ALS2CL: variants seen among roughly 807,000 people sequenced by gnomAD.
ALS2CL encodes ALS2 C-terminal like.
In ALS2CL, 112 loss-of-function variants were observed where a neutral mutation model predicts 127.9. The ratio of observed to expected loss-of-function variants is 0.88; its 90% confidence interval spans 0.75 to 1.02. The LOEUF (loss-of-function observed/expected upper bound fraction) is 1.02, where lower values mean the gene tolerates loss of function less well. ALS2CL is among the 50% of genes least tolerant of loss of function. ALS2CL has a pLI of 0.00. For synonymous variants in ALS2CL, 519 were observed against 527.6 expected (o/e 0.98, Z 0.22); for missense variants, 1,174 against 1,236.7 (o/e 0.95, Z 0.76).
intron 20 of ALS2CL, 177 bp from the exon 21 acceptor site, chr3:46,674,916 T>G: frequency 1.8e-6 from 1 of 553,332 alleles, no homozygotes; most frequent in Non-Finnish European, 3.0e-6. Flanking sequence ...CCAATTCAAT[T>G]CATAACTTCA....
chr3:46,676,901 C>T lies in ALS2CL; in HGVS notation c.1879G>A (p.Val627Met), dbSNP rs138602401. The T allele has an allele frequency of 5.0e-6, 8 of 1,613,478 alleles. No homozygotes were observed. The highest frequency in any genetic ancestry group is 3.3e-5 in the South Asian group (3 of 91,070). ...CTACGCAGCTCCCTGGAGCTCTGCA[C>T]GTCGAAGCCCAGCAGGGCCTCCTGC... The part of the protein sequence containing the change: ...DLQEALLGFD[V>M]QSSRELRRSQ... The change falls in exon 17 of 26, where the codon GTG becomes ATG. Residue 627 changes from valine (V) to methionine (M), a missense_variant. By Grantham distance (21) the Val-to-Met change is conservative. Transcript: ENST00000318962.
In ALS2CL at chr3:46,674,585, C is replaced by G; in HGVS notation, c.2410G>C (p.Glu804Gln). The G allele has an allele frequency of 2.5e-6, 4 of 1,613,076 alleles. 1 individual carries two copies. The South Asian group carries it at 3.3e-5, about 13-fold the overall frequency. The change falls in exon 21 of 26, where the codon GAG becomes CAG. Residue 804 changes from glutamate to glutamine, a missense_variant. Physicochemically the swap from Glu to Gln is conservative, Grantham distance 29. Transcript: ENST00000318962. ...LSLFPDTQLL[E>Q]FLDVQKHLWP... ...GCTTACTTCTGCACATCCAGGAACT[C>G]GAGCAGTTGGGTATCAGGAAAGAGG... is the stretch of plus-strand genomic sequence containing the variant.
intron 2 of ALS2CL, among the ~76,000 whole-genome samples, chr3:46,688,792 C>G (rs559153428): frequency 6.6e-6 from 1 of 152,204 alleles, no homozygotes; most frequent in African/African-American, 2.4e-5. Flanking sequence ...CCATCAGGTG[C>G]CCTAGGTGGG....
Position 46,674,744 on chromosome 3 carries a change from T to G in ALS2CL, c.2256-5A>C. On this transcript the variant is annotated splice_region_variant and splice_polypyrimidine_tract_variant and intron_variant, in intron 20 of 25. Coordinates refer to ENST00000318962, the MANE Select transcript of ALS2CL (RefSeq NM_147129.5). ...AATCCATGCACCTGGAGGTCCCTGATGGGGAGACCGGAACAGGTTGGGATG... is the reference window on the plus strand; with the variant it reads ...AATCCATGCACCTGGAGGTCCCTGAGGGGGAGACCGGAACAGGTTGGGATG... 1 of 1,603,556 alleles carries G rather than the reference T, an allele frequency of 6.2e-7. No individual in the cohort carries two copies. The highest frequency in any genetic ancestry group is 1.1e-5 in the South Asian group (1 of 89,328).
At chr3:46,673,316 T>G (rs2106686994) in intron 22 of ALS2CL, 23 bp downstream of exon 22, 1 of 1,556,738 alleles carries the variant, frequency 6.4e-7, no homozygotes, top group East Asian at 2.4e-5. Context: ...GCCCCTGGCT[T>G]GGGGCTCTGG....
In ALS2CL at chr3:46,681,421, TCAA is replaced by T. The variant is rs750199298; in HGVS notation, c.1275-17_1275-15del. The T allele has an allele frequency of 8.1e-6, 13 of 1,605,980 alleles. No homozygotes were observed. Among genetic ancestry groups the T allele is most frequent in the Admixed American group, 1.7e-5 (1 of 59,758 alleles). ...TCGGTGCTGTACCTGGGGAGGGCCA[TCAA>T]CAACGAGCTCTGCCTCATGGAGCTC... On this transcript the variant is annotated splice_polypyrimidine_tract_variant and intron_variant, in intron 12 of 25. Transcript: ENST00000318962. The surrounding 1 kb of genome is among the most constrained non-coding windows in gnomAD (Gnocchi z 4.9).
rs1559452287 is a variant in ALS2CL at position 46,670,508 on chromosome 3, C to T, written c.*476G>A. ...ATCTCCAGGCCCATCCTGTTGACTG[C>T]ATACCCAGTGAGGCTTCGAGCCTGC... On this transcript the variant is annotated 3_prime_UTR_variant, in exon 26 of 26. Coordinates refer to ENST00000318962, the MANE Select transcript of ALS2CL (RefSeq NM_147129.5). This position sits in a 1 kb window ranked among gnomAD's most constrained non-coding sequence, Gnocchi z 5.5. 5 of 158,546 alleles carry T rather than the reference C, an allele frequency of 3.2e-5. No homozygotes were observed. The highest frequency in any genetic ancestry group is 1.2e-4 in the African/African-American group (5 of 41,602). The allele number at this position is 158,546 out of a possible 1,614,324, so 9.8% of individuals were successfully genotyped here. A position where few individuals can be genotyped will look rare whatever the true frequency, so the allele number is the denominator to read the frequency against.
rs1177030985 is a variant in ALS2CL at position 46,679,192 on chromosome 3, G to A, written c.1626+18C>T. On this transcript the variant is annotated intron_variant, in intron 15 of 25. Coordinates refer to ENST00000318962, the MANE Select transcript of ALS2CL (RefSeq NM_147129.5). ...AAGGCCTTGGCAGGGTGTGGAGGGG[G>A]GCCTCAGTGGTCCTCACCTTCCCCA... 6.4e-7 allele frequency: 1 copy of A among 1,550,470 alleles called. No homozygotes were observed. Among genetic ancestry groups the A allele is most frequent in the Non-Finnish European group, 8.7e-7 (1 of 1,145,572 alleles).
chr3:46,670,546 C>CA lies in ALS2CL; in HGVS notation c.*437dup, dbSNP rs1199503462. On this transcript the variant is annotated 3_prime_UTR_variant, in exon 26 of 26. Transcript: ENST00000318962. The surrounding 1 kb of genome is among the most constrained non-coding windows in gnomAD (Gnocchi z 5.5). ...GCTTCGAGCCTGCCAGAGGTCAATA[C>CA]AGCCCAGCAGACTAAAGTCAGTTTT... 1 of 181,514 alleles carries CA rather than the reference C, an allele frequency of 5.5e-6. No individual in the cohort carries two copies. The highest frequency in any genetic ancestry group is 1.2e-5 in the Non-Finnish European group (1 of 84,646). 11.2% of individuals were successfully genotyped at this position (181,514 alleles called of 1,614,324 possible).
chr3:46,684,165 A>G (rs551878812), intron 7 of ALS2CL, 118 bp from the exon 8 acceptor site: 1 of 1,212,648 alleles, frequency 8.2e-7, no homozygotes, highest in Admixed American at 2.0e-5. Context: ...TCTGCCCAGC[A>G]TGTCCAGGAC....
Position 46,683,816 on chromosome 3 carries a change from T to A in ALS2CL, c.878A>T (p.Glu293Val), listed in dbSNP as rs1483830464. The change falls in exon 9 of 26, where the codon GAG (glutamate) becomes GTG (valine). Residue 293 changes from glutamate to valine, a missense_variant. Transcript: ENST00000318962. ...CTFHLLTPEE[E>V]FSFCAKDSQG... Reference sequence around the variant, plus strand: ...GGAGTCCTTGGCACAAAAGGAGAACTCTTCTTCGGGCGTGAGGAGGTGAAA... The same window carrying A: ...GGAGTCCTTGGCACAAAAGGAGAACACTTCTTCGGGCGTGAGGAGGTGAAA... The A allele has an allele frequency of 6.2e-7, 1 of 1,614,068 alleles. No individual in the cohort carries two copies. Among genetic ancestry groups the A allele is most frequent in the East Asian group, 2.2e-5 (1 of 44,866 alleles).
In ALS2CL at chr3:46,687,150, T is replaced by G. The variant is rs1385643742; in HGVS notation, c.369-2A>C. The G allele has an allele frequency of 6.4e-7, 1 of 1,565,620 alleles. No individual in the cohort carries two copies. The highest frequency in any genetic ancestry group is 1.8e-5 in the Admixed American group (1 of 55,328). ...TTCCGCTGGCCCCGCCAGTACTCGC[T>G]GCGTGTAGAGAGGGCCACGCACCAC... On this transcript the variant is annotated splice_acceptor_variant, in intron 4 of 25. Transcript: ENST00000318962. LOFTEE classifies it high-confidence loss of function.
intron 2 of ALS2CL, 149 bp downstream of exon 2, chr3:46,689,189 A>T: frequency 1.3e-6 from 1 of 784,306 alleles, no homozygotes; most frequent in Non-Finnish European, 2.1e-6. Context: ...AGATCGCACC[A>T]CCTGCATCAG....
At position 46,678,256 on chromosome 3, in the gene ALS2CL, C is replaced by G; in HGVS notation, c.1757+3G>C. On this transcript the variant is annotated splice_donor_region_variant and intron_variant, in intron 16 of 25. Coordinates refer to ENST00000318962, the MANE Select transcript of ALS2CL (RefSeq NM_147129.5). ...CCCAGAGCCAGAGGGGCCAGGCACT[C>G]ACCTCTTGCAGGTACTGCTCGGGTC... 6.3e-7 allele frequency: 1 copy of G among 1,576,676 alleles called. No individual in the cohort carries two copies. Among genetic ancestry groups the G allele is most frequent in the South Asian group, 1.1e-5 (1 of 87,110 alleles).
rs766464674 is a variant in ALS2CL at position 46,681,108 on chromosome 3, C to T, written c.1436+138G>A. ...GCTCAGCCTGAGCCTCCGCAGCAAC[C>T]GAGGGACTGGAGGGGAAGTGAGGGG... is the stretch of plus-strand genomic sequence containing the variant. On this transcript the variant is annotated intron_variant, in intron 13 of 25. Coordinates refer to ENST00000318962, the MANE Select transcript of ALS2CL (RefSeq NM_147129.5). This position sits in a 1 kb window ranked among gnomAD's most constrained non-coding sequence, Gnocchi z 4.9. 204 of 1,379,394 alleles carry T rather than the reference C, an allele frequency of 1.5e-4. 1 individual carries two copies. Among genetic ancestry groups the T allele is most frequent in the Non-Finnish European group, 1.8e-4 (176 of 978,064 alleles). The allele number at this position is 1,379,394 out of a possible 1,614,324, so 85.4% of individuals were successfully genotyped here.
At chr3:46,675,711 G>C in intron 19 of ALS2CL, 25 bp from the exon 20 acceptor site, 1 of 1,612,790 alleles carries the variant, frequency 6.2e-7, no homozygotes, top group Non-Finnish European at 8.5e-7. Context: ...GAGAGAAATG[G>C]TGTGGCTGCC....
chr3:46,687,115 CCG>C lies in ALS2CL; in HGVS notation c.400_401del (p.Arg134AlafsTer115). 6.4e-7 allele frequency: 1 copy of C among 1,564,268 alleles called. No individual in the cohort carries two copies. Among genetic ancestry groups the C allele is most frequent in the Non-Finnish European group, 8.6e-7 (1 of 1,162,628 alleles). On this transcript the variant is annotated frameshift_variant, in exon 5 of 26. Transcript: ENST00000318962. LOFTEE classifies it high-confidence loss of function. Reference protein sequence around the residue: ...EYWRGQRKALRQLLSGVSSEG... With the variant: ...EYWRGQRKALXQLLSGVSSEG... The stretch of plus-strand genomic sequence containing the variant: ...CTGAGCTCACACCTGAAAGCAGCTG[CCG>C]CAGCGCCTTCCGCTGGCCCCGCCAG...
intron 14 of ALS2CL, chr3:46,679,624 G>A (rs1699158719): frequency 5.5e-6 from 1 of 182,776 alleles, no homozygotes; most frequent in Admixed American, 6.0e-5. Flanking sequence ...ACTGGCCCTG[G>A]GAACGGCAGA....
intron 10 of ALS2CL, among the ~76,000 whole-genome samples, 194 bp from the exon 11 acceptor site, chr3:46,682,288 T>C (rs1336617895): frequency 1.3e-5 from 2 of 152,290 alleles, no homozygotes; most frequent in Non-Finnish European, 1.5e-5. Context: ...GGCCCAACTG[T>C]ACCAGCAGCC....
Sources: allele counts gnomAD v4.1 joint callset (sites outside exome capture counted in the v4.1 genomes callset), GRCh38; gene constraint gnomAD v4.1.1; non-coding constraint Gnocchi (gnomAD v3.1); transcripts MANE v1.5; gene names NCBI Gene and HGNC (gene_info 2026-07-23, HGNC 2026-07-21).